Variants in PEBP4 observed in about 807,000 individuals in gnomAD.
PEBP4 encodes phosphatidylethanolamine binding protein 4.
In PEBP4, 22 loss-of-function variants were observed where a neutral mutation model predicts 23.9. The observed-to-expected ratio is 0.92, with a 90% confidence interval of 0.66 to 1.31. The LOEUF (loss-of-function observed/expected upper bound fraction) is 1.31, where lower values mean the gene tolerates loss of function less well. Ranked by LOEUF, PEBP4 falls within the 40% of genes most tolerant of loss-of-function variation. PEBP4 has a pLI of 0.00. For missense variants in PEBP4, 324 were observed against 281.7 expected (o/e 1.15, Z -1.07); for synonymous variants, 112 against 99.3 (o/e 1.13, Z -0.76).
intron 3 of PEBP4, among the ~76,000 whole-genome samples, chr8:22,869,191 T>C (rs1266039555): frequency 6.6e-6 from 1 of 152,216 alleles, no homozygotes; most frequent in Non-Finnish European, 1.5e-5. Context: ...CTCAGTGAAG[T>C]CCACTCTGCC....
intron 4 of PEBP4, among the ~76,000 whole-genome samples, chr8:22,795,165 T>TATATATATA (rs1563218572): frequency 4.2e-4 from 7 of 16,730 alleles, no homozygotes; most frequent in Admixed American, 8.1e-4. Flanking sequence ...ATATATATAT[T>TATATATATA]TTTTTTTTTT....
intron 4 of PEBP4, among the ~76,000 whole-genome samples, chr8:22,764,428 C>T (rs1440525860): frequency 6.6e-6 from 1 of 152,142 alleles, no homozygotes; most frequent in African/African-American, 2.4e-5. Flanking sequence ...TCAGGGTGCA[C>T]TAAGTTAGCT....
intron 3 of PEBP4, chr8:22,879,387 G>A (rs1032235059): frequency 2.0e-5 from 3 of 152,342 alleles, no homozygotes; most frequent in South Asian, 2.1e-4. Flanking sequence ...CTCAGTAAAC[G>A]TCTTGTGAAC....
chr8:22,836,701 G>A (rs1807211910), intron 3 of PEBP4, among the ~76,000 whole-genome samples: 1 of 152,220 alleles, frequency 6.6e-6, no homozygotes, highest in African/African-American at 2.4e-5. Flanking sequence ...CAAAGTCTGT[G>A]CTGTGCTGCG....
At chr8:22,915,967 G>T (rs1447251640) in intron 3 of PEBP4, among the ~76,000 whole-genome samples, 1 of 152,192 alleles carries the variant, frequency 6.6e-6, no homozygotes, top group African/African-American at 2.4e-5. Context: ...TCTCCACCAT[G>T]GGCCAATGAG....
intron 3 of PEBP4, among the ~76,000 whole-genome samples, chr8:22,874,681 G>A (rs1479934487): frequency 6.6e-6 from 1 of 152,136 alleles, no homozygotes; most frequent in Admixed American, 6.5e-5. Flanking sequence ...TTGTGGCAAA[G>A]TGCGACAATG....
intron 3 of PEBP4, among the ~76,000 whole-genome samples, chr8:22,858,179 T>G (rs1807695397): frequency 6.6e-6 from 1 of 152,158 alleles, no homozygotes; most frequent in Admixed American, 6.5e-5. Context: ...CAAAGAGGGA[T>G]AGTGTGGGTG....
intron 6 of PEBP4, among the ~76,000 whole-genome samples, chr8:22,717,857 G>A (rs957669631): frequency 2.6e-5 from 4 of 152,140 alleles, no homozygotes; most frequent in Non-Finnish European, 4.4e-5. Flanking sequence ...CAGAGAGCCC[G>A]GCTCAGGTCT....
chr8:22,742,387 A>C (rs1034987684), intron 4 of PEBP4, among the ~76,000 whole-genome samples: 7 of 152,108 alleles, frequency 4.6e-5, no homozygotes, highest in African/African-American at 1.7e-4. Flanking sequence ...TGCCAGCCCT[A>C]ATGGGAAAGA....
At chr8:22,895,712 C>T (rs1454681262) in intron 3 of PEBP4, 2 of 152,114 alleles carry the variant, frequency 1.3e-5, no homozygotes, top group Non-Finnish European at 2.9e-5. Flanking sequence ...TGTTCTGTCC[C>T]CCAGCCTTCT....
chr8:22,883,547 A>G (rs1238105815), intron 3 of PEBP4, among the ~76,000 whole-genome samples: 3 of 152,086 alleles, frequency 2.0e-5, no homozygotes, highest in Non-Finnish European at 4.4e-5. Context: ...GGTGGCACAA[A>G]ATTAGTTCCT....
At chr8:22,797,408 C>G (rs537286703) in intron 4 of PEBP4, among the ~76,000 whole-genome samples, 3 of 151,510 alleles carry the variant, frequency 2.0e-5, no homozygotes, top group Admixed American at 6.6e-5. Context: ...GGGAGGACAC[C>G]GAGGCCCAAA....
At chr8:22,831,098 T>C (rs1807076528) in intron 3 of PEBP4, among the ~76,000 whole-genome samples, 1 of 152,160 alleles carries the variant, frequency 6.6e-6, no homozygotes, top group East Asian at 1.9e-4. Context: ...ACTCATCACC[T>C]TTGCATATGT....
chr8:22,795,164 T>TGTA (rs1491200518), intron 4 of PEBP4, among the ~76,000 whole-genome samples: 1 of 17,536 alleles, frequency 5.7e-5, no homozygotes, highest in Non-Finnish European at 9.0e-5. Context: ...TATATATATA[T>TGTA]TTTTTTTTTT....
intron 2 of PEBP4, among the ~76,000 whole-genome samples, chr8:22,922,567 A>G (rs1809229494): frequency 8.1e-6 from 1 of 122,890 alleles, no homozygotes; most frequent in African/African-American, 2.9e-5. Context: ...TCTACCAAAA[A>G]TTAAAAAAAC....
chr8:22,749,805 C>CTTTTTTTTTTGTTTTTTTT (rs1805209834), intron 4 of PEBP4, among the ~76,000 whole-genome samples: 1 of 83,762 alleles, frequency 1.2e-5, no homozygotes, highest in Non-Finnish European at 2.4e-5. Context: ...GTTTGTCATT[C>CTTTTTTTTTTGTTTTTTTT]TTTTTTTTTT....
chr8:22,856,323 T>C (rs1390653817), intron 3 of PEBP4, among the ~76,000 whole-genome samples: 1 of 152,226 alleles, frequency 6.6e-6, no homozygotes, highest in Non-Finnish European at 1.5e-5. Flanking sequence ...TTGGTAATTA[T>C]TTTAACAAAT....
At chr8:22,815,239 C>G (rs1806715209) in intron 4 of PEBP4, 1 of 152,176 alleles carries the variant, frequency 6.6e-6, no homozygotes, top group African/African-American at 2.4e-5. Context: ...CCGAGGCATC[C>G]CAGCTCTATG....
intron 3 of PEBP4, among the ~76,000 whole-genome samples, chr8:22,819,520 A>G (rs1228613789): frequency 6.6e-6 from 1 of 152,246 alleles, no homozygotes; most frequent in Non-Finnish European, 1.5e-5. Flanking sequence ...GATCATAAAA[A>G]GGGAAATTTT....
Sources: gnomAD v4.1 joint callset for allele counts (sites outside exome capture counted in the v4.1 genomes callset) on GRCh38, gnomAD v4.1.1 for gene constraint, MANE v1.5 for transcripts, NCBI Gene and HGNC (gene_info 2026-07-23, HGNC 2026-07-21) for gene names.